The following CFAP20DC variants were observed in gnomAD, a reference collection of about 807,000 sequenced individuals.
CFAP20DC encodes protein CFAP20DC.
CFAP20DC carries 84 observed loss-of-function variants against 101.7 expected under a neutral mutation model. That is an observed-to-expected ratio of 0.83 (90% confidence interval 0.69 to 0.99). The LOEUF (loss-of-function observed/expected upper bound fraction) is 0.99. CFAP20DC is among the 50% of genes least tolerant of loss of function. The probability of loss-of-function intolerance (pLI) is 0.00; values close to 1 mark genes in which losing one functional copy is unlikely to be tolerated. For synonymous variants in CFAP20DC, 359 were observed against 351.2 expected (o/e 1.02, Z -0.25); for missense variants, 1,007 against 970.3 (o/e 1.04, Z -0.50).
intron 4 of CFAP20DC, among the ~76,000 whole-genome samples, chr3:59,009,388 C>A (rs1465758608): frequency 6.6e-6 from 1 of 151,626 alleles, no homozygotes; most frequent in East Asian, 1.9e-4. Flanking sequence ...CAAGGAGATA[C>A]CAAAGAAAGG....
chr3:58,824,116 A>G (rs1256812679), intron 14 of CFAP20DC, among the ~76,000 whole-genome samples: 1 of 152,136 alleles, frequency 6.6e-6, no homozygotes, highest in African/African-American at 2.4e-5. Flanking sequence ...ATAGTTGTAT[A>G]AGAACATCTG....
chr3:58,956,237 C>A (rs1375342213), intron 4 of CFAP20DC, among the ~76,000 whole-genome samples: 1 of 151,894 alleles, frequency 6.6e-6, no homozygotes, highest in Non-Finnish European at 1.5e-5. Context: ...TTGGGGCCCA[C>A]AATTCCAGGA....
chr3:58,935,514 C>G (rs531505811), intron 5 of CFAP20DC, among the ~76,000 whole-genome samples: 1 of 151,970 alleles, frequency 6.6e-6, no homozygotes, highest in East Asian at 1.9e-4. Flanking sequence ...CGCTACCTGA[C>G]TTCAAACTAT....
At chr3:58,767,436 T>A (rs1424146757) in intron 15 of CFAP20DC, among the ~76,000 whole-genome samples, 1 of 152,208 alleles carries the variant, frequency 6.6e-6, no homozygotes, top group Admixed American at 6.5e-5. Flanking sequence ...TGTTCCTTTT[T>A]TAAAAAACTA....
Position 58,894,988 on chromosome 3 carries a change from G to A in CFAP20DC, c.551-10279C>T, listed in dbSNP as rs1307907135. On this transcript the variant is annotated intron_variant, in intron 6 of 16. Transcript: ENST00000482387. This position sits in a 1 kb window ranked among gnomAD's most constrained non-coding sequence, Gnocchi z 4.1. The stretch of plus-strand genomic sequence containing the variant: ...ATGTTGGCCCCTTGTAGCCATGGCT[G>A]GAGCAGCTGGGTCACAGGGCACCAA... Among the ~76,000 whole-genome samples, 2 of 152,236 alleles carry A rather than the reference G, an allele frequency of 1.3e-5. No individual in the cohort carries two copies. Among genetic ancestry groups the A allele is most frequent in the Admixed American group, 1.3e-4 (2 of 15,288 alleles).
chr3:58,741,836 G>A (rs191843875), downstream of CFAP20DC, among the ~76,000 whole-genome samples: 2 of 152,192 alleles, frequency 1.3e-5, no homozygotes, highest in East Asian at 3.9e-4. Context: ...GCAAACTCTG[G>A]ATGAACAATA....
chr3:58,766,688 A>G (rs1434445824), intron 15 of CFAP20DC, among the ~76,000 whole-genome samples: 4 of 151,974 alleles, frequency 2.6e-5, no homozygotes, highest in African/African-American at 9.7e-5. Flanking sequence ...TATTTTTCCA[A>G]CCTCATGTGG....
At chr3:58,999,844 A>G (rs1468385349) in intron 4 of CFAP20DC, among the ~76,000 whole-genome samples, 2 of 107,500 alleles carry the variant, frequency 1.9e-5, no homozygotes, top group Non-Finnish European at 3.5e-5. Context: ...TCACTAATGT[A>G]AAAAAAAAAA....
intron 3 of CFAP20DC, among the ~76,000 whole-genome samples, chr3:58,723,119 A>G (rs1399350138): frequency 2.0e-5 from 3 of 152,272 alleles, no homozygotes; most frequent in African/African-American, 7.2e-5. Flanking sequence ...AAATGTTATG[A>G]ATTAAATTGA....
chr3:58,863,668 T>C lies in CFAP20DC; in HGVS notation c.1483A>G (p.Met495Val), dbSNP rs200042040. Reference protein sequence around the residue: ...RSAPHGKTQTMSPEELSFILD... With the variant: ...RSAPHGKTQTVSPEELSFILD... ...ATAAATGAGAGCTCCTCTGGGGACA[T>C]AGTCTGAGTCTTTCCATGAGGTGCT... Residue 495 changes from methionine (M) to valine (V), a missense_variant, in exon 12 of 17, where the codon ATG becomes GTG. By Grantham distance (21) the Met-to-Val change is conservative (BLOSUM62 1). Transcript: ENST00000482387. This position sits in a 1 kb window ranked among gnomAD's most constrained non-coding sequence, Gnocchi z 5.9. 8 of 1,614,174 alleles carry C rather than the reference T, an allele frequency of 5.0e-6. No individual in the cohort carries two copies. The highest frequency in any genetic ancestry group is 1.3e-5 in the African/African-American group (1 of 75,048).
intron 13 of CFAP20DC, among the ~76,000 whole-genome samples, chr3:58,845,261 T>C (rs568041723): frequency 6.6e-4 from 100 of 150,490 alleles, no homozygotes; most frequent in Middle Eastern, 3.4e-3. Context: ...TTGATAGACC[T>C]CTAGCAAGAC....
At chr3:58,816,938 G>T (rs978212395) in intron 14 of CFAP20DC, among the ~76,000 whole-genome samples, 1 of 152,194 alleles carries the variant, frequency 6.6e-6, no homozygotes, top group African/African-American at 2.4e-5. Flanking sequence ...CGCAGCTGGA[G>T]ATCTGAGAAC....
chr3:58,990,237 A>C (rs1011248892), intron 4 of CFAP20DC, among the ~76,000 whole-genome samples: 1 of 152,218 alleles, frequency 6.6e-6, no homozygotes, highest in African/African-American at 2.4e-5. Flanking sequence ...ATGCCTTCAA[A>C]CAATGTCTAG....
At chr3:58,922,101 T>C (rs373902436) in intron 5 of CFAP20DC, among the ~76,000 whole-genome samples, 17 of 152,330 alleles carry the variant, frequency 1.1e-4, no homozygotes, top group East Asian at 3.9e-4. Context: ...TAATGTGCAC[T>C]TTTTATAAAT....
chr3:58,950,360 C>G (rs1364733575), intron 4 of CFAP20DC, among the ~76,000 whole-genome samples: 1 of 152,126 alleles, frequency 6.6e-6, no homozygotes, highest in Non-Finnish European at 1.5e-5. Context: ...TATTCAATGC[C>G]AACCCCATCA....
At position 58,912,196 on chromosome 3, in the gene CFAP20DC, G is replaced by A. The variant is rs116535277; in HGVS notation, c.550+1512C>T. ...TTGAAACATGCATTTACTTTGCTAT[G>A]TTTGATCCACTTTTTTCTTTACATT... is the stretch of plus-strand genomic sequence containing the variant. On this transcript the variant is annotated intron_variant, in intron 6 of 16. Transcript: ENST00000482387. This position sits in a 1 kb window ranked among gnomAD's most constrained non-coding sequence, Gnocchi z 4.4. Among the ~76,000 whole-genome samples, 1 of 152,132 alleles carries A rather than the reference G, an allele frequency of 6.6e-6. No individual in the cohort carries two copies. The highest frequency in any genetic ancestry group is 2.4e-5 in the African/African-American group (1 of 41,506).
intron 5 of CFAP20DC, among the ~76,000 whole-genome samples, chr3:58,923,132 C>G (rs1161051794): frequency 6.6e-6 from 1 of 152,044 alleles, no homozygotes; most frequent in African/African-American, 2.4e-5. Flanking sequence ...GTCTTGAATT[C>G]CTGAGCTCAG....
rs1218116453 is a variant in CFAP20DC, at chr3:58,861,234, C to A, written c.1593+2324G>T. ...TTAAAAATACTCAATGGGCTAACAT[C>A]AAATAAAGTCTTTTAATTACACTTT... is the stretch of plus-strand genomic sequence containing the variant. On this transcript the variant is annotated intron_variant, in intron 12 of 16. Transcript: ENST00000482387. This position sits in a 1 kb window ranked among gnomAD's most constrained non-coding sequence, Gnocchi z 4.0. 2.1e-6 allele frequency: 1 copy of A among 471,028 alleles called. No individual in the cohort carries two copies. Among genetic ancestry groups the A allele is most frequent in the Non-Finnish European group, 2.8e-6 (1 of 360,034 alleles). The allele number at this position is 471,028 out of a possible 1,614,324, so 29.2% of individuals were successfully genotyped here.
intron 4 of CFAP20DC, among the ~76,000 whole-genome samples, chr3:59,033,003 A>G (rs1025469626): frequency 2.0e-5 from 3 of 152,120 alleles, no homozygotes; most frequent in Non-Finnish European, 4.4e-5. Flanking sequence ...AGAGAAAGGA[A>G]CAGGCGGCAA....
Sources: gnomAD v4.1 joint callset for allele counts (sites outside exome capture counted in the v4.1 genomes callset) on GRCh38, gnomAD v4.1.1 for gene constraint, Gnocchi (gnomAD v3.1) non-coding constraint, MANE v1.5 for transcripts, NCBI Gene and HGNC (gene_info 2026-07-23, HGNC 2026-07-21) for gene names.